The following DENND1B variants were observed in gnomAD, a reference collection of about 807,000 sequenced individuals.
DENND1B encodes DENN domain-containing protein 1B.
Under a neutral mutation model 90.1 loss-of-function variants are expected in DENND1B, and 59 were observed. The ratio of observed to expected loss-of-function variants is 0.65; its 90% CI spans 0.53 to 0.81. The LOEUF is 0.81. DENND1B is among the 40% of genes least tolerant of loss of function. The pLI, the probability that DENND1B is intolerant of heterozygous loss-of-function variation, is 0.00. For synonymous variants in DENND1B, 337 were observed against 324.6 expected (o/e 1.04, Z -0.41); for missense variants, 862 against 912.6 (o/e 0.94, Z 0.71).
At chr1:197,695,145 G>A (rs575394588) in intron 3 of DENND1B, among the ~76,000 whole-genome samples, 4 of 151,136 alleles carry the variant, frequency 2.6e-5, no homozygotes, top group African/African-American at 7.2e-5. Flanking sequence ...CCTAAACTGC[G>A]CCTGCTAAAG....
At chr1:197,640,944 A>AAAAC (rs994264458) in intron 10 of DENND1B, among the ~76,000 whole-genome samples, 3 of 152,198 alleles carry the variant, frequency 2.0e-5, no homozygotes, top group Non-Finnish European at 2.9e-5. Flanking sequence ...CTGTCTCAAA[A>AAAAC]AAACAAACAA....
chr1:197,770,813 T>TATATATCTATAAATATATATATAA (rs1474676885), intron 2 of DENND1B, among the ~76,000 whole-genome samples: 1 of 137,408 alleles, frequency 7.3e-6, no homozygotes, highest in African/African-American at 2.8e-5. Context: ...TATATATAAA[T>TATATATCTATAAATATATATATAA]ATATATGTAA....
intron 13 of DENND1B, among the ~76,000 whole-genome samples, chr1:197,602,084 G>C (rs1474066448): frequency 6.6e-6 from 1 of 151,470 alleles, no homozygotes; most frequent in Non-Finnish European, 1.5e-5. Flanking sequence ...GAAATAAAAG[G>C]TTATGCTCAT....
At chr1:197,658,541 T>A (rs1387171321) in intron 5 of DENND1B, among the ~76,000 whole-genome samples, 172 bp from the exon 6 acceptor site, 1 of 151,954 alleles carries the variant, frequency 6.6e-6, no homozygotes, top group Non-Finnish European at 1.5e-5. Flanking sequence ...TTATTACTAG[T>A]TTTCATAAAA....
Position 197,642,766 on chromosome 1 carries a change from T to A in DENND1B, c.617A>T (p.Tyr206Phe). 1 of 1,613,788 alleles carries A rather than the reference T, an allele frequency of 6.2e-7. No individual in the cohort carries two copies. The highest frequency in any genetic ancestry group is 8.5e-7 in the Non-Finnish European group (1 of 1,179,824). The change falls in exon 10 of 23, where the codon TAT (tyrosine) becomes TTT (phenylalanine). Residue 206 changes from tyrosine to phenylalanine, a missense_variant. Tyr to Phe is a conservative substitution (Grantham distance 22). Coordinates refer to ENST00000620048, the MANE Select transcript of DENND1B (RefSeq NM_001195215.2). Reference protein sequence around the residue: ...AVDVNNMLQLYASMLHERRIV... With the variant: ...AVDVNNMLQLFASMLHERRIV... ...GCGCCTTTCATGCAGCATACTGGCATACAGCTGCAGCATGTTGTTCACATC... is the reference window on the plus strand; with the variant it reads ...GCGCCTTTCATGCAGCATACTGGCAAACAGCTGCAGCATGTTGTTCACATC...
At chr1:197,568,054 G>A (rs953008374) in intron 15 of DENND1B, among the ~76,000 whole-genome samples, 1 of 151,478 alleles carries the variant, frequency 6.6e-6, no homozygotes, top group Non-Finnish European at 1.5e-5. Context: ...CAGGGAGGGA[G>A]GGAAGGAGGG....
chr1:197,521,135 G>GA (rs1668745751), intron 20 of DENND1B, among the ~76,000 whole-genome samples: 1 of 151,920 alleles, frequency 6.6e-6, no homozygotes, highest in Non-Finnish European at 1.5e-5. Context: ...GACAGAGGTA[G>GA]AAGGACCAAG....
intron 10 of DENND1B, among the ~76,000 whole-genome samples, chr1:197,627,413 A>G (rs1357959547): frequency 6.6e-6 from 1 of 152,162 alleles, no homozygotes; most frequent in Non-Finnish European, 1.5e-5. Flanking sequence ...TATAAACAGA[A>G]CCAAAGACAA....
Position 197,658,315 on chromosome 1 carries a change from G to C in DENND1B, c.351C>G (p.Tyr117Ter). ...AATAGCTTACCAGTTCCTTAGCCAAGTAATCTGCAAGAGTATTTAGAAGCT... is the reference window on the plus strand; with the variant it reads ...AATAGCTTACCAGTTCCTTAGCCAACTAATCTGCAAGAGTATTTAGAAGCT... Reference protein sequence around the residue: ...YYKLLNTLADYLAKELENDLN... With the variant: ...YYKLLNTLAD Residue 117 changes from tyrosine to a stop codon, truncating the protein, a stop_gained, in exon 6 of 23, where the codon TAC becomes TAG. Transcript: ENST00000620048. LOFTEE classifies it high-confidence loss of function. 6.2e-7 allele frequency: 1 copy of C among 1,610,030 alleles called. No individual in the cohort carries two copies. Among genetic ancestry groups the C allele is most frequent in the East Asian group, 2.2e-5 (1 of 44,700 alleles).
At chr1:197,707,646 TAC>T (rs1659708906) in intron 3 of DENND1B, among the ~76,000 whole-genome samples, 1 of 146,852 alleles carries the variant, frequency 6.8e-6, no homozygotes, top group African/African-American at 2.5e-5. Flanking sequence ...TTATATAATA[TAC>T]ATATATTATA....
At chr1:197,700,722 C>A (rs1309117042) in intron 3 of DENND1B, among the ~76,000 whole-genome samples, 1 of 152,070 alleles carries the variant, frequency 6.6e-6, no homozygotes, top group African/African-American at 2.4e-5. Context: ...CCAGAATTTA[C>A]AAGGAACTTA....
chr1:197,731,520 A>C (rs1662140033), intron 2 of DENND1B, among the ~76,000 whole-genome samples: 1 of 152,132 alleles, frequency 6.6e-6, no homozygotes, highest in Non-Finnish European at 1.5e-5. Context: ...GTGAATTCTT[A>C]AAGCATTCAC....
intron 2 of DENND1B, among the ~76,000 whole-genome samples, chr1:197,727,627 G>A (rs1661770033): frequency 6.6e-6 from 1 of 152,042 alleles, no homozygotes; most frequent in South Asian, 2.1e-4. Context: ...ATAGAAAACA[G>A]TGATCTGATT....
chr1:197,615,544 GTATT>G (rs1677570697), intron 11 of DENND1B, among the ~76,000 whole-genome samples: 1 of 150,856 alleles, frequency 6.6e-6, no homozygotes, highest in Non-Finnish European at 1.5e-5. Flanking sequence ...TTCATAAAAA[GTATT>G]TAATCAAAAC....
At chr1:197,730,793 C>T (rs1341536554) in intron 2 of DENND1B, among the ~76,000 whole-genome samples, 2 of 151,810 alleles carry the variant, frequency 1.3e-5, no homozygotes, top group African/African-American at 2.4e-5. Context: ...CATTATTAAA[C>T]CTGTTTCCTT....
At chr1:197,597,676 C>T (rs1270166132) in intron 13 of DENND1B, among the ~76,000 whole-genome samples, 1 of 151,778 alleles carries the variant, frequency 6.6e-6, no homozygotes, top group South Asian at 2.1e-4. Flanking sequence ...AAACACAATG[C>T]CACAAGCCAT....
At chr1:197,624,608 G>A (rs549013357) in intron 10 of DENND1B, among the ~76,000 whole-genome samples, 11 of 151,854 alleles carry the variant, frequency 7.2e-5, no homozygotes, top group South Asian at 2.1e-4. Context: ...AAAGCAGAGC[G>A]CCTCTCCTCC....
At position 197,583,140 on chromosome 1, in the gene DENND1B, G is replaced by A. The variant is rs1274164423; in HGVS notation, c.1149+12C>T. 2.5e-6 allele frequency: 4 copies of A among 1,609,402 alleles called. No homozygotes were observed. The highest frequency in any genetic ancestry group is 3.4e-6 in the Non-Finnish European group (4 of 1,176,008). Reference sequence around the variant, plus strand: ...TGTCTTACAAAAGAAAAATGTGGAGGTCCACTCTTACCTGCTTAAAAAGCT... The same window carrying A: ...TGTCTTACAAAAGAAAAATGTGGAGATCCACTCTTACCTGCTTAAAAAGCT... On this transcript the variant is annotated intron_variant, in intron 15 of 22. Coordinates refer to ENST00000620048, the MANE Select transcript of DENND1B (RefSeq NM_001195215.2).
At chr1:197,676,517 T>C (rs1434003466) in intron 3 of DENND1B, among the ~76,000 whole-genome samples, 1 of 152,116 alleles carries the variant, frequency 6.6e-6, no homozygotes. Flanking sequence ...CCAGAAGTTA[T>C]CAATTTTTCC....
Sources: allele counts gnomAD v4.1 joint callset (sites outside exome capture counted in the v4.1 genomes callset), GRCh38; gene constraint gnomAD v4.1.1; transcripts MANE v1.5; gene names NCBI Gene and HGNC (gene_info 2026-07-23, HGNC 2026-07-21).